ABITRAM: variants seen among roughly 807,000 people sequenced by gnomAD.
ABITRAM encodes the protein protein Abitram.
ABITRAM carries 19 observed loss-of-function variants against 22.9 expected under a neutral mutation model. The ratio of observed to expected loss-of-function variants is 0.83; its 90% confidence interval spans 0.58 to 1.22. ABITRAM has a LOEUF of 1.22. Among genes scored for constraint, ABITRAM ranks in the 50% most tolerant of loss-of-function variants. The pLI is 0.00. For synonymous variants in ABITRAM, 70 were observed against 73.9 expected (o/e 0.95, Z 0.27); for missense variants, 215 against 220.2 (o/e 0.98, Z 0.15).
chr9:108,939,726 A>G lies in ABITRAM; in HGVS notation c.*40A>G. 6.2e-7 allele frequency: 1 copy of G among 1,608,482 alleles called. No individual in the cohort carries two copies. ...CAAAAAGCAAAGTGGGATTCTTGTTACCTGGCCTAAACCATCAGGGTACTA... is the reference window on the plus strand; with the variant it reads ...CAAAAAGCAAAGTGGGATTCTTGTTGCCTGGCCTAAACCATCAGGGTACTA... On this transcript the variant is annotated 3_prime_UTR_variant, in exon 6 of 6. Coordinates refer to ENST00000322940, the MANE Select transcript of ABITRAM (RefSeq NM_017832.4).
intron 3 of ABITRAM, among the ~76,000 whole-genome samples, chr9:108,946,572 T>A (rs1225061332): frequency 1.3e-5 from 2 of 152,192 alleles, no homozygotes; most frequent in East Asian, 3.9e-4. Context: ...ACCTCTGTAT[T>A]CTAGTCGTAC....
Position 108,940,352 on chromosome 9 carries a change from G to C in ABITRAM, c.*666G>C, listed in dbSNP as rs1228817067. The C allele has an allele frequency of 6.6e-6, 1 of 152,060 alleles. No individual in the cohort carries two copies. Among genetic ancestry groups the C allele is most frequent in the African/African-American group, 2.4e-5 (1 of 41,386 alleles). 9.4% of individuals were successfully genotyped at this position (152,060 alleles called of 1,614,324 possible). On this transcript the variant is annotated 3_prime_UTR_variant, in exon 6 of 6. Coordinates refer to ENST00000322940, the MANE Select transcript of ABITRAM (RefSeq NM_017832.4). ...AACATATGGTATGGTTATTGCTTTTGCCTCGTTTTCCTAACAGTTTGAAGT... is the reference window on the plus strand; with the variant it reads ...AACATATGGTATGGTTATTGCTTTTCCCTCGTTTTCCTAACAGTTTGAAGT...
intron 1 of ABITRAM, among the ~76,000 whole-genome samples, 186 bp from the exon 2 acceptor site, chr9:108,935,452 G>T (rs966375046): frequency 6.6e-6 from 1 of 152,224 alleles, no homozygotes; most frequent in Admixed American, 6.5e-5. Context: ...ATCTGGGCCA[G>T]ATCTCTTTAA....
intron 3 of ABITRAM, among the ~76,000 whole-genome samples, chr9:108,949,426 G>A (rs940126545): frequency 9.9e-5 from 15 of 152,102 alleles, no homozygotes; most frequent in Middle Eastern, 3.2e-3. Context: ...TTAAAAAGTT[G>A]GCCAAGCGCG....
At chr9:108,937,050 C>T (rs1181567071) in intron 3 of ABITRAM, among the ~76,000 whole-genome samples, 1 of 152,082 alleles carries the variant, frequency 6.6e-6, no homozygotes, top group Non-Finnish European at 1.5e-5. Flanking sequence ...ATCCCAGCCA[C>T]TCGGGAGGCT....
downstream of ABITRAM, chr9:108,942,477 G>A (rs1830270344): frequency 2.3e-6 from 1 of 430,382 alleles, no homozygotes; most frequent in East Asian, 4.1e-5. Flanking sequence ...ATAGCTTCTT[G>A]TGGATTAAAT....
At chr9:108,946,504 A>G (rs1372445718) in intron 3 of ABITRAM, among the ~76,000 whole-genome samples, 2 of 152,074 alleles carry the variant, frequency 1.3e-5, no homozygotes, top group African/African-American at 4.8e-5. Flanking sequence ...TCACTTCATT[A>G]CTGTCTCTAT....
chr9:108,949,556 A>T (rs1465875058), intron 3 of ABITRAM, among the ~76,000 whole-genome samples: 4 of 152,204 alleles, frequency 2.6e-5, no homozygotes, highest in Non-Finnish European at 5.9e-5. Flanking sequence ...AAAAATACAA[A>T]AATTAGGCCA....
chr9:108,944,036 C>T (rs758462515), downstream of ABITRAM: 77 of 1,610,290 alleles, frequency 4.8e-5, no homozygotes, highest in Non-Finnish European at 6.5e-5. Context: ...AAAGAGAAAA[C>T]ACCACTATTT....
downstream of ABITRAM, chr9:108,943,825 T>C: frequency 6.2e-7 from 1 of 1,611,874 alleles, no homozygotes; most frequent in Non-Finnish European, 8.5e-7. Flanking sequence ...AGCTGAAATG[T>C]AATTTAACAA....
chr9:108,946,673 G>T (rs1165157001), intron 3 of ABITRAM, among the ~76,000 whole-genome samples: 1 of 152,130 alleles, frequency 6.6e-6, no homozygotes, highest in Non-Finnish European at 1.5e-5. Context: ...GCTCTATGGG[G>T]GCAGGAGCTT....
At chr9:108,945,772 G>A (rs1166942434), downstream of ABITRAM, among the ~76,000 whole-genome samples, 1 of 152,066 alleles carries the variant, frequency 6.6e-6, no homozygotes, top group Non-Finnish European at 1.5e-5. Context: ...ATTGTGCCCA[G>A]ACTGTTTTTA....
intron 3 of ABITRAM, among the ~76,000 whole-genome samples, chr9:108,938,724 A>C (rs1258538432): frequency 6.6e-6 from 1 of 151,886 alleles, no homozygotes; most frequent in Non-Finnish European, 1.5e-5. Flanking sequence ...TCCCTTCTTC[A>C]AAAAGTCTTA....
At chr9:108,949,793 G>A (rs773834620) in intron 3 of ABITRAM, among the ~76,000 whole-genome samples, 1 of 152,158 alleles carries the variant, frequency 6.6e-6, no homozygotes, top group Non-Finnish European at 1.5e-5. Context: ...GCAGTGAGCC[G>A]AGATTGCACC....
rs372933987 is a variant in ABITRAM, at chr9:108,939,177, C to A, written c.262-19C>A. The A allele has an allele frequency of 1.4e-4, 227 of 1,608,584 alleles. No homozygotes were observed. The highest frequency in any genetic ancestry group is 8.4e-5 in the Non-Finnish European group (99 of 1,176,940). Reference sequence around the variant, plus strand: ...GGAAATGTCCATCAACTGATTACTTCTTCCGTCTCATTACACAGGGGGCAC... The same window carrying A: ...GGAAATGTCCATCAACTGATTACTTATTCCGTCTCATTACACAGGGGGCAC... On this transcript the variant is annotated intron_variant, in intron 3 of 5. Transcript: ENST00000322940.
rs1402060421 is a variant in ABITRAM, at chr9:108,939,966, C to G, written c.*280C>G. 6.2e-6 allele frequency: 2 copies of G among 320,512 alleles called. No individual in the cohort carries two copies. The highest frequency in any genetic ancestry group is 4.3e-5 in the African/African-American group (2 of 46,852). 19.9% of individuals were successfully genotyped at this position (320,512 alleles called of 1,614,324 possible). On this transcript the variant is annotated 3_prime_UTR_variant, in exon 6 of 6. Coordinates refer to ENST00000322940, the MANE Select transcript of ABITRAM (RefSeq NM_017832.4). ...CAAGGCATGTTTTTCTGATTAAAAA[C>G]AAACAAAGCTCTTTGAAGAAGATTT...
intron 2 of ABITRAM, 119 bp downstream of exon 2, chr9:108,935,808 C>T: frequency 1.5e-6 from 1 of 672,582 alleles, no homozygotes; most frequent in Non-Finnish European, 2.6e-6. Context: ...CATTAATTAT[C>T]TTCTACTGTG....
Position 108,950,531 on chromosome 9 carries a change from GA to G in ABITRAM, c.288del (p.Asp97ThrfsTer7), listed in dbSNP as rs1830531592. 3 of 1,550,364 alleles carry G rather than the reference GA, an allele frequency of 1.9e-6. No homozygotes were observed. In the East Asian group the frequency reaches 7.3e-5, roughly 38 times the overall value. ...GAGAATTATCTATCTAGAAAAGGTAGAAGACGTCATCAAGAGGAAAATGATG... is the reference window on the plus strand; with the variant it reads ...GAGAATTATCTATCTAGAAAAGGTAGAGACGTCATCAAGAGGAAAATGATG... On this transcript the variant is annotated frameshift_variant, in exon 4 of 4. Coordinates refer to the ABITRAM transcript ENST00000374624. LOFTEE classifies it low-confidence loss of function (END_TRUNC).
chr9:108,946,797 A>G (rs192266126), intron 3 of ABITRAM, among the ~76,000 whole-genome samples: 1 of 152,348 alleles, frequency 6.6e-6, no homozygotes, highest in African/African-American at 2.4e-5. Context: ...CACAGTTTGG[A>G]GACAATTCAT....
Sources: gnomAD v4.1 joint callset for allele counts (sites outside exome capture counted in the v4.1 genomes callset) on GRCh38, gnomAD v4.1.1 for gene constraint, MANE v1.5 for transcripts, NCBI Gene and HGNC (gene_info 2026-07-23, HGNC 2026-07-21) for gene names.